Variants in KLHL13 observed in about 807,000 individuals in gnomAD.
KLHL13 encodes the protein kelch-like protein 13.
KLHL13 carries 10 observed loss-of-function variants against 37.1 expected under a neutral mutation model. The observed-to-expected ratio is 0.27, with a 90% CI of 0.17 to 0.46. KLHL13 has a LOEUF of 0.46. Among genes scored for constraint, KLHL13 ranks in the 20% least tolerant of loss-of-function variants. KLHL13 has a pLI of 1.00. For synonymous variants in KLHL13, 163 were observed against 181.2 expected (o/e 0.90, Z 0.81); for missense variants, 360 against 509.3 (o/e 0.71, Z 2.82).
chrX:117,947,610 C>T (rs1933383778), intron 1 of KLHL13: 1 of 112,139 alleles, frequency 8.9e-6, no homozygotes, highest in African/African-American at 3.2e-5. Context: ...CCCTTTCTTG[C>T]CAACATAATA....
chrX:117,918,375 T>A (rs1208750772), intron 4 of KLHL13, among the ~76,000 whole-genome samples: 1 of 111,579 alleles, frequency 9.0e-6, no homozygotes, highest in African/African-American at 3.3e-5. Flanking sequence ...TGAAACTTAG[T>A]GTTTTAAAGA....
chrX:117,914,830 T>C (rs1931232548), intron 4 of KLHL13, among the ~76,000 whole-genome samples: 2 of 112,544 alleles, frequency 1.8e-5, no homozygotes, highest in South Asian at 7.3e-4. Context: ...ATGGCTTTTG[T>C]GAGGTTGAAG....
In KLHL13 at chrX:118,038,034, A is replaced by G. The variant is rs188895791; in HGVS notation, c.-56+78474T>C. Among the ~76,000 whole-genome samples the G allele has an allele frequency of 1.4e-3, 156 of 112,501 alleles. 2 individuals carry two copies. Among genetic ancestry groups the G allele is most frequent in the African/African-American group, 4.9e-3 (151 of 30,981 alleles). On this transcript the variant is annotated intron_variant, in intron 1 of 6. Transcript: ENST00000371882. The stretch of plus-strand genomic sequence containing the variant: ...GTGAGGTAGCATGTAGAGAATAAGG[A>G]AAAATATTGAAAAAAGGAGAACAAT...
intron 5 of KLHL13, among the ~76,000 whole-genome samples, chrX:117,905,651 T>C (rs962564406): frequency 1.8e-5 from 2 of 108,919 alleles, no homozygotes; most frequent in African/African-American, 3.3e-5. Flanking sequence ...ATGTTGCCAC[T>C]GTTTTTTTTT....
chrX:117,963,871 G>T (rs2053356472), intron 1 of KLHL13, among the ~76,000 whole-genome samples: 1 of 105,214 alleles, frequency 9.5e-6, no homozygotes, highest in Admixed American at 1.0e-4. Flanking sequence ...CATAAAAAAT[G>T]ATGAGTTCAT....
intron 1 of KLHL13, among the ~76,000 whole-genome samples, chrX:118,045,635 T>C (rs1177521458): frequency 1.8e-5 from 2 of 110,026 alleles, no homozygotes; most frequent in Non-Finnish European, 3.8e-5. Context: ...AAAATCCATG[T>C]CTACTAAAAG....
chrX:117,940,342 T>G (rs1932954236), intron 2 of KLHL13, among the ~76,000 whole-genome samples: 1 of 111,906 alleles, frequency 8.9e-6, no homozygotes, highest in Non-Finnish European at 1.9e-5. Flanking sequence ...TTGGTTACTG[T>G]AGCCTTGTAG....
exon 1 of KLHL13, chrX:118,116,728 T>C (rs2055474681): frequency 9.1e-6 from 1 of 109,562 alleles, no homozygotes; most frequent in African/African-American, 3.3e-5. Context: ...TTTTCAAAAG[T>C]CCCCGTTCCA....
At chrX:117,978,086 A>G (rs2053614023), upstream of KLHL13, among the ~76,000 whole-genome samples, 1 of 112,576 alleles carries the variant, frequency 8.9e-6, no homozygotes, top group Non-Finnish European at 1.9e-5. Flanking sequence ...TACATTGGAA[A>G]GTTTTACATT....
In KLHL13 at chrX:117,949,916, C is replaced by A. The variant is rs755481366; in HGVS notation, c.99-4341G>T. On this transcript the variant is annotated intron_variant, in intron 1 of 6. Transcript: ENST00000262820. ...TGGTACATTAATGTCTAGCTCACAT[C>A]AAATAAAAAGCAACATCTTGATACT... is the stretch of plus-strand genomic sequence containing the variant. Among the ~76,000 whole-genome samples the A allele has an allele frequency of 1.6e-4, 18 of 111,736 alleles. No individual in the cohort carries two copies. In the South Asian group the frequency reaches 6.0e-3, roughly 37 times the overall value.
At chrX:117,914,746 C>A (rs1382246635) in intron 4 of KLHL13, among the ~76,000 whole-genome samples, 1 of 111,923 alleles carries the variant, frequency 8.9e-6, no homozygotes, top group Non-Finnish European at 1.9e-5. Flanking sequence ...TGTCTCCAGC[C>A]CAAAATATTC....
At chrX:118,030,549 C>A (rs1157949430) in intron 1 of KLHL13, among the ~76,000 whole-genome samples, 2 of 111,522 alleles carry the variant, frequency 1.8e-5, no homozygotes, top group Non-Finnish European at 3.8e-5. Context: ...GAATGTGCCC[C>A]CAAAAAAGAA....
chrX:118,014,226 C>A (rs1044359769), intron 1 of KLHL13, among the ~76,000 whole-genome samples: 1 of 111,533 alleles, frequency 9.0e-6, no homozygotes, highest in African/African-American at 3.3e-5. Context: ...TCACTGAATT[C>A]TTTTCCCAGC....
intron 1 of KLHL13, among the ~76,000 whole-genome samples, chrX:118,050,042 TTTTC>T (rs924361480): frequency 2.8e-4 from 31 of 112,293 alleles, no homozygotes; most frequent in Non-Finnish European, 5.4e-4. Flanking sequence ...TCCTCCCGTC[TTTTC>T]TTTCTTTCTT....
chrX:117,978,566 G>A (rs2053620246), upstream of KLHL13, among the ~76,000 whole-genome samples: 1 of 110,964 alleles, frequency 9.0e-6, no homozygotes, highest in African/African-American at 3.3e-5. Context: ...AGATGAAAGA[G>A]GTTATGGGGC....
At chrX:117,942,820 T>C (rs1158533277) in intron 2 of KLHL13, among the ~76,000 whole-genome samples, 1 of 111,554 alleles carries the variant, frequency 9.0e-6, no homozygotes, top group Non-Finnish European at 1.9e-5. Context: ...ATTTAGCATA[T>C]TTACATTTAA....
rs188788942 is a variant in KLHL13 at position 118,101,400 on chromosome X, T to C, written c.-56+15108A>G. 7.7e-3 allele frequency among the ~76,000 whole-genome samples: 858 copies of C among 111,612 alleles called. 11 individuals are homozygous for C. Among genetic ancestry groups the C allele is most frequent in the African/African-American group, 0.026 (789 of 30,732 alleles). Reference sequence around the variant, plus strand: ...CAATACAGATAACTGAGTTAGCCCCTGTCCTCAAGGAATTCATAATCCAGG... The same window carrying C: ...CAATACAGATAACTGAGTTAGCCCCCGTCCTCAAGGAATTCATAATCCAGG... On this transcript the variant is annotated intron_variant, in intron 1 of 6. Transcript: ENST00000371882.
chrX:117,930,248 GGA>G (rs1569418522), intron 2 of KLHL13, among the ~76,000 whole-genome samples: 67 of 76,340 alleles, frequency 8.8e-4, no homozygotes, highest in African/African-American at 3.5e-3. Flanking sequence ...AAGGGAGGAA[GGA>G]AGGAAGGAAG....
intron 1 of KLHL13, among the ~76,000 whole-genome samples, chrX:118,087,176 G>C (rs1399518834): frequency 1.8e-5 from 2 of 110,384 alleles, no homozygotes; most frequent in Non-Finnish European, 3.8e-5. Flanking sequence ...GATCAAATGG[G>C]TCCTGCCACT....
Sources: gnomAD v4.1 joint callset for allele counts (sites outside exome capture counted in the v4.1 genomes callset) on GRCh38, gnomAD v4.1.1 for gene constraint, MANE v1.5 for transcripts, NCBI Gene and HGNC (gene_info 2026-07-23, HGNC 2026-07-21) for gene names.